CCDC138: variants seen among roughly 807,000 people sequenced by gnomAD.
CCDC138 encodes coiled-coil domain containing 138.
A neutral mutation model predicts 82.3 loss-of-function variants in CCDC138; 66 were observed. That is an observed-to-expected ratio of 0.80 (90% confidence interval 0.66 to 0.98). The LOEUF (loss-of-function observed/expected upper bound fraction) is 0.98. CCDC138 is among the 50% of genes least tolerant of loss of function. CCDC138 has a pLI of 0.00. For missense variants in CCDC138, 816 were observed against 758.9 expected (o/e 1.08, Z -0.88); for synonymous variants, 297 against 265.4 (o/e 1.12, Z -1.16).
intron 10 of CCDC138, among the ~76,000 whole-genome samples, chr2:108,829,480 C>T (rs529888693): frequency 3.3e-5 from 5 of 151,858 alleles, no homozygotes; most frequent in Non-Finnish European, 5.9e-5. Flanking sequence ...ACATGGTGGC[C>T]CATGCCTGTA....
intron 10 of CCDC138, 105 bp from the exon 11 acceptor site, chr2:108,839,075 CTTTTG>C (rs778423608): frequency 9.6e-4 from 1,142 of 1,187,464 alleles, no homozygotes; most frequent in Non-Finnish European, 1.2e-3. Context: ...TTGGAGAACT[CTTTTG>C]TTTTGTTTTG....
At chr2:108,846,530 A>C (rs77840147) in intron 11 of CCDC138, among the ~76,000 whole-genome samples, 18 of 151,308 alleles carry the variant, frequency 1.2e-4, no homozygotes, top group African/African-American at 4.4e-4. Context: ...AAAAAAAAAA[A>C]CCTGAGTGTG....
chr2:108,880,392 G>A (rs1696259521), downstream of CCDC138, among the ~76,000 whole-genome samples: 1 of 152,158 alleles, frequency 6.6e-6, no homozygotes. Flanking sequence ...ATCCTAACAA[G>A]TTATTTTGTG....
chr2:108,786,994 T>TG lies in CCDC138; in HGVS notation c.93+84dup, dbSNP rs550943472. ...CGCTCCGTGCCCCGCGCAGCCGGCC[T>TG]GGGGGCGCGCAGCGGCTCTGGTCCC... On this transcript the variant is annotated intron_variant, in intron 1 of 14. Coordinates refer to ENST00000295124, the MANE Select transcript of CCDC138 (RefSeq NM_144978.3). The TG allele has an allele frequency of 2.7e-4, 272 of 992,510 alleles. 4 individuals carry two copies. In the East Asian group the frequency reaches 8.3e-3, roughly 30 times the overall value. The allele number at this position is 992,510 out of a possible 1,614,324, so 61.5% of individuals were successfully genotyped here.
intron 13 of CCDC138, among the ~76,000 whole-genome samples, chr2:108,868,758 CATAAAA>C (rs981864246): frequency 7.9e-5 from 12 of 151,852 alleles, no homozygotes; most frequent in Admixed American, 2.0e-4. Flanking sequence ...GACCATGACA[CATAAAA>C]ATAAATACTA....
chr2:108,802,392 T>C (rs1192309484), intron 6 of CCDC138, among the ~76,000 whole-genome samples: 1 of 134,850 alleles, frequency 7.4e-6, no homozygotes, highest in African/African-American at 3.3e-5. Context: ...TTTGAAGCAA[T>C]TGTGAATGGG....
At chr2:108,809,217 A>C (rs1447924226) in intron 7 of CCDC138, among the ~76,000 whole-genome samples, 3 of 152,128 alleles carry the variant, frequency 2.0e-5, no homozygotes, top group Admixed American at 2.0e-4. Context: ...TGGTTACTAC[A>C]GTTTTGTAGT....
chr2:108,876,091 T>C lies in CCDC138; in HGVS notation c.1836T>C (p.Ser612=), dbSNP rs764977682. 1 of 1,579,078 alleles carries C rather than the reference T, an allele frequency of 6.3e-7. No homozygotes were observed. The highest frequency in any genetic ancestry group is 1.7e-5 in the Admixed American group (1 of 59,170). ...AATGTATTCATTTTTTTTACAGGAG[T>C]AATAAGAAGCTCTTTGAACTTTTTA... The part of the protein sequence containing the change: ...IILQKLSKIK[S]NKKLFELFTI... Residue 612 remains serine (S), a synonymous_variant, in exon 15 of 15, where the codon AGT becomes AGC. Transcript: ENST00000295124.
At chr2:108,808,820 G>C (rs1410972515) in intron 7 of CCDC138, among the ~76,000 whole-genome samples, 2 of 151,712 alleles carry the variant, frequency 1.3e-5, no homozygotes, top group East Asian at 3.9e-4. Flanking sequence ...TCTTTTTATT[G>C]TTTCCAATCT....
At chr2:108,792,894 C>T (rs181477282) in intron 4 of CCDC138, among the ~76,000 whole-genome samples, 1 of 150,488 alleles carries the variant, frequency 6.6e-6, no homozygotes. Context: ...GAAACCCTGT[C>T]TCTACTAAAA....
At chr2:108,847,213 A>T (rs1262829474) in intron 12 of CCDC138, among the ~76,000 whole-genome samples, 1 of 152,198 alleles carries the variant, frequency 6.6e-6, no homozygotes, top group African/African-American at 2.4e-5. Context: ...ATCAAATTGA[A>T]ATTGCTAGTT....
chr2:108,834,428 T>C (rs1688254140), intron 10 of CCDC138, among the ~76,000 whole-genome samples: 1 of 151,628 alleles, frequency 6.6e-6, no homozygotes, highest in South Asian at 2.1e-4. Flanking sequence ...TTGGCCAGGC[T>C]GGTATTGAAC....
intron 7 of CCDC138, among the ~76,000 whole-genome samples, chr2:108,812,093 A>G (rs1683958171): frequency 6.6e-6 from 1 of 152,196 alleles, no homozygotes; most frequent in Non-Finnish European, 1.5e-5. Context: ...AGACATCTCT[A>G]CTTGAAAACT....
At chr2:108,799,081 C>G (rs967337423) in intron 6 of CCDC138, among the ~76,000 whole-genome samples, 11 of 152,184 alleles carry the variant, frequency 7.2e-5, no homozygotes, top group Non-Finnish European at 1.2e-4. Context: ...GATCAAGCAA[C>G]TAGACAAGAT....
intron 10 of CCDC138, among the ~76,000 whole-genome samples, chr2:108,821,074 G>T (rs1685612961): frequency 1.3e-5 from 2 of 152,106 alleles, no homozygotes; most frequent in African/African-American, 2.4e-5. Flanking sequence ...GATATAATTT[G>T]TGGCCGGGTG....
chr2:108,809,403 G>T (rs930224000), intron 7 of CCDC138, among the ~76,000 whole-genome samples: 1 of 150,302 alleles, frequency 6.7e-6, no homozygotes, highest in Non-Finnish European at 1.5e-5. Flanking sequence ...GATGACTTTG[G>T]TTATTTTGAC....
intron 9 of CCDC138, among the ~76,000 whole-genome samples, chr2:108,815,457 TG>T (rs1684594657): frequency 7.5e-6 from 1 of 133,964 alleles, no homozygotes; most frequent in African/African-American, 2.7e-5. Flanking sequence ...GGGAGGTTTT[TG>T]GTGTTTTTTT....
chr2:108,844,905 G>T (rs1390447700), intron 11 of CCDC138, among the ~76,000 whole-genome samples: 1 of 151,984 alleles, frequency 6.6e-6, no homozygotes, highest in Non-Finnish European at 1.5e-5. Flanking sequence ...ACGCCACCAA[G>T]CCCAGTTAAT....
chr2:108,841,771 AT>A (rs1290909984), intron 11 of CCDC138, among the ~76,000 whole-genome samples: 2 of 151,868 alleles, frequency 1.3e-5, no homozygotes, highest in Non-Finnish European at 2.9e-5. Context: ...CTGTAACTTT[AT>A]TTTTTTAACT....
Sources: gnomAD v4.1 joint callset for allele counts (sites outside exome capture counted in the v4.1 genomes callset) on GRCh38, gnomAD v4.1.1 for gene constraint, MANE v1.5 for transcripts, NCBI Gene and HGNC (gene_info 2026-07-23, HGNC 2026-07-21) for gene names.